Variants in ABTB2 observed in about 807,000 individuals in gnomAD.
ABTB2 encodes ankyrin repeat and BTB/POZ domain-containing protein 2.
A neutral mutation model predicts 104.1 loss-of-function variants in ABTB2; 56 were observed. The ratio of observed to expected loss-of-function variants is 0.54; its 90% CI spans 0.43 to 0.67. The LOEUF (loss-of-function observed/expected upper bound fraction) is 0.67. ABTB2 is among the 30% of genes least tolerant of loss of function. The pLI, the probability that ABTB2 is intolerant of heterozygous loss-of-function variation, is 0.00. For synonymous variants in ABTB2, 606 were observed against 608.2 expected (o/e 1.00, Z 0.05); for missense variants, 1,279 against 1,407.7 (o/e 0.91, Z 1.46).
chr11:34,318,186 C>A lies in ABTB2; in HGVS notation c.883+38515G>T, dbSNP rs560696145. ...CTTTCGCCACATTGGCCAGGCCAGT[C>A]TCAAACTCCTGACCTCAGGTGATCC... On this transcript the variant is annotated intron_variant, in intron 1 of 16. Coordinates refer to ENST00000435224, the MANE Select transcript of ABTB2 (RefSeq NM_145804.3). 3.9e-5 allele frequency among the ~76,000 whole-genome samples: 6 copies of A among 152,302 alleles called. No homozygotes were observed. In the East Asian group the frequency reaches 1.2e-3, roughly 29 times the overall value.
At chr11:34,352,400 C>G (rs1029805656) in intron 1 of ABTB2, among the ~76,000 whole-genome samples, 1 of 152,064 alleles carries the variant, frequency 6.6e-6, no homozygotes, top group African/African-American at 2.4e-5. Context: ...ATTACCCTGC[C>G]CTTTAAAAAA....
chr11:34,283,145 C>T (rs1304393377), intron 1 of ABTB2, among the ~76,000 whole-genome samples: 3 of 148,140 alleles, frequency 2.0e-5, no homozygotes, highest in Non-Finnish European at 4.5e-5. Context: ...TTCTCGATCT[C>T]CTGACCTCGT....
At chr11:34,172,441 G>GATAC (rs1417691067) in intron 4 of ABTB2, among the ~76,000 whole-genome samples, 12 of 89,334 alleles carry the variant, frequency 1.3e-4, no homozygotes, top group African/African-American at 6.2e-4. Context: ...TGTGTATATA[G>GATAC]ATAGATAGAT....
chr11:34,340,877 C>T (rs1263625104), intron 1 of ABTB2, among the ~76,000 whole-genome samples: 5 of 152,182 alleles, frequency 3.3e-5, no homozygotes, highest in Admixed American at 1.3e-4. Context: ...AAACAAACAT[C>T]CTCTGATTTA....
In ABTB2 at chr11:34,167,275, T is replaced by C; in HGVS notation, c.1739A>G (p.His580Arg). The part of the protein sequence containing the change: ...TSLTFAVLHG[H>R]ISVVQLLLDA... ...GGAGCTCACCTGGACCACAGAGATG[T>C]GTCCATGCAGCACAGCGAATGTCAG... Residue 580 changes from histidine (H) to arginine (R), a missense_variant, in exon 7 of 17, where the codon CAC becomes CGC. Coordinates refer to ENST00000435224, the MANE Select transcript of ABTB2 (RefSeq NM_145804.3). 1 of 1,611,676 alleles carries C rather than the reference T, an allele frequency of 6.2e-7. No individual in the cohort carries two copies. The highest frequency in any genetic ancestry group is 8.5e-7 in the Non-Finnish European group (1 of 1,178,932).
In ABTB2 at chr11:34,248,088, A is replaced by ATTTTTTTTTTTTTTTTTTTTTTTTTTTTT. The variant is rs377220875; in HGVS notation, c.884-43399_884-43398insAAAAAAAAAAAAAAAAAAAAAAAAAAAAA. ...CAATCATTCAATTTACTTATCTATAATTTTTCTTAAAAAAAAAAAAAAAAA... is the reference window on the plus strand; with the variant it reads ...CAATCATTCAATTTACTTATCTATAATTTTTTTTTTTTTTTTTTTTTTTTTTTTTTTTTTCTTAAAAAAAAAAAAAAAAA... On this transcript the variant is annotated intron_variant, in intron 1 of 16. Transcript: ENST00000435224. Among the ~76,000 whole-genome samples the ATTTTTTTTTTTTTTTTTTTTTTTTTTTTT allele has an allele frequency of 2.6e-5, 2 of 78,376 alleles. 1 individual carries two copies. Among genetic ancestry groups the ATTTTTTTTTTTTTTTTTTTTTTTTTTTTT allele is most frequent in the African/African-American group, 1.4e-4 (2 of 14,084 alleles). 51.4% of individuals were successfully genotyped at this position (78,376 alleles called of 152,430 possible). A position where few individuals can be genotyped will look rare whatever the true frequency, so the allele number is the denominator to read the frequency against.
intron 1 of ABTB2, among the ~76,000 whole-genome samples, chr11:34,283,197 C>T (rs1854468669): frequency 6.7e-6 from 1 of 148,714 alleles, no homozygotes; most frequent in Admixed American, 6.8e-5. Flanking sequence ...GGATTACAGG[C>T]GTAAGCCACC....
intron 3 of ABTB2, among the ~76,000 whole-genome samples, chr11:34,174,737 G>C (rs1001795080): frequency 6.6e-6 from 1 of 152,258 alleles, no homozygotes; most frequent in Non-Finnish European, 1.5e-5. Flanking sequence ...TCATGACTTC[G>C]TGGGACACCC....
chr11:34,299,200 C>G (rs770599376), intron 1 of ABTB2, among the ~76,000 whole-genome samples: 1 of 152,098 alleles, frequency 6.6e-6, no homozygotes, highest in Non-Finnish European at 1.5e-5. Context: ...AAAGGATAGA[C>G]TGGGCAGGGG....
At chr11:34,194,498 A>G (rs1332888388) in intron 3 of ABTB2, among the ~76,000 whole-genome samples, 1 of 152,008 alleles carries the variant, frequency 6.6e-6, no homozygotes, top group Non-Finnish European at 1.5e-5. Context: ...TCCAGCTACT[A>G]TTTGCATCAG....
intron 1 of ABTB2, among the ~76,000 whole-genome samples, chr11:34,325,467 T>A (rs1052027450): frequency 1.3e-5 from 2 of 152,208 alleles, no homozygotes; most frequent in Admixed American, 1.3e-4. Context: ...TCCTCACTTA[T>A]AAGGTGCAGA....
intron 1 of ABTB2, among the ~76,000 whole-genome samples, chr11:34,232,435 G>T (rs1312220430): frequency 7.5e-6 from 1 of 132,644 alleles, no homozygotes; most frequent in Non-Finnish European, 1.6e-5. Flanking sequence ...GGGCAATAGA[G>T]GGAGACTCTG....
At chr11:34,266,597 A>T (rs986240220) in intron 1 of ABTB2, among the ~76,000 whole-genome samples, 3 of 151,826 alleles carry the variant, frequency 2.0e-5, no homozygotes, top group African/African-American at 7.3e-5. Context: ...AAACCACAAC[A>T]TCTCCTCTCC....
chr11:34,348,553 C>T (rs184005561), intron 1 of ABTB2, among the ~76,000 whole-genome samples: 19 of 152,118 alleles, frequency 1.2e-4, no homozygotes, highest in Admixed American at 8.5e-4. Flanking sequence ...TCCGCAGTCG[C>T]AGCTCTACCT....
At chr11:34,215,027 C>A (rs1242203130) in intron 1 of ABTB2, among the ~76,000 whole-genome samples, 1 of 152,098 alleles carries the variant, frequency 6.6e-6, no homozygotes, top group Non-Finnish European at 1.5e-5. Context: ...TTCGCCTGGC[C>A]CCAGGTGGTG....
chr11:34,327,084 A>C (rs1256328214), intron 1 of ABTB2, among the ~76,000 whole-genome samples: 4 of 152,236 alleles, frequency 2.6e-5, no homozygotes, highest in African/African-American at 7.2e-5. Flanking sequence ...CAAAAATAAA[A>C]TAAGAAAAAA....
chr11:34,199,536 T>C (rs990056443), intron 2 of ABTB2, among the ~76,000 whole-genome samples: 1 of 152,130 alleles, frequency 6.6e-6, no homozygotes, highest in Non-Finnish European at 1.5e-5. Context: ...GGTTTGAAAA[T>C]CACCAGGTGA....
intron 3 of ABTB2, among the ~76,000 whole-genome samples, chr11:34,179,511 A>G (rs1852999642): frequency 6.6e-6 from 1 of 152,168 alleles, no homozygotes; most frequent in Non-Finnish European, 1.5e-5. Context: ...GGTGAATCCT[A>G]GAGTGGTGTA....
At chr11:34,313,874 G>C (rs1854888890) in intron 1 of ABTB2, among the ~76,000 whole-genome samples, 1 of 152,138 alleles carries the variant, frequency 6.6e-6, no homozygotes, top group South Asian at 2.1e-4. Flanking sequence ...CTGTGTAAAA[G>C]CCCTCCCCAC....
Sources: gnomAD v4.1 joint callset for allele counts (sites outside exome capture counted in the v4.1 genomes callset) on GRCh38, gnomAD v4.1.1 for gene constraint, MANE v1.5 for transcripts, NCBI Gene and HGNC (gene_info 2026-07-23, HGNC 2026-07-21) for gene names.